The following OSR1 variants were observed in gnomAD, a reference collection of about 807,000 sequenced individuals.
OSR1 encodes the protein odd-skipped related transcription factor 1.
A neutral mutation model predicts 15.7 loss-of-function variants in OSR1; 3 were observed. That is an observed-to-expected ratio of 0.19 (90% CI 0.09 to 0.50). OSR1 has a LOEUF of 0.50. Among genes scored for constraint, OSR1 ranks in the 20% least tolerant of loss-of-function variants. OSR1 has a pLI of 0.97. For missense variants in OSR1, 271 were observed against 351.1 expected, an observed-to-expected ratio of 0.77 and a Z score of 1.82; for synonymous variants, 166 against 152.7, an observed-to-expected ratio of 1.09 and a Z score of -0.64.
chr2:19,350,062 G>A (rs1271584738), downstream of OSR1, among the ~76,000 whole-genome samples: 1 of 152,140 alleles, frequency 6.6e-6, no homozygotes, highest in African/African-American at 2.4e-5. Flanking sequence ...GGCCGCGCGC[G>A]ACCTTGTGAA....
In OSR1 at chr2:19,357,480, A is replaced by C. The variant is rs934300510; in HGVS notation, c.-33+861T>G. ...TTCTCCGAGACATTTCCGAGGAGAA[A>C]TTAGTTCAGCAGGCAGCCCTTCACC... On this transcript the variant is annotated intron_variant, in intron 1 of 2. Transcript: ENST00000272223. This position sits in a 1 kb window ranked among gnomAD's most constrained non-coding sequence, Gnocchi z 5.0. 2.6e-5 allele frequency among the ~76,000 whole-genome samples: 4 copies of C among 152,158 alleles called. No homozygotes were observed. The highest frequency in any genetic ancestry group is 9.7e-5 in the African/African-American group (4 of 41,446).
rs1464657996 is a variant in OSR1, at chr2:19,357,826, C to G, written c.-33+515G>C. ...GGGTCTAGGCGGCCTCATACTAGAG[C>G]GCAACTCCTCAAAAGACAAACTTGA... On this transcript the variant is annotated intron_variant, in intron 1 of 2. Coordinates refer to ENST00000272223, the MANE Select transcript of OSR1 (RefSeq NM_145260.3). The surrounding 1 kb of genome is among the most constrained non-coding windows in gnomAD (Gnocchi z 5.0). 1 of 152,250 alleles carries G rather than the reference C, an allele frequency of 6.6e-6. No homozygotes were observed. The highest frequency in any genetic ancestry group is 1.5e-5 in the Non-Finnish European group (1 of 68,060). The allele number at this position is 152,250 out of a possible 1,614,324, so 9.4% of individuals were successfully genotyped here.
At position 19,351,594 on chromosome 2, in the gene OSR1, C is replaced by T. The variant is rs913576457; in HGVS notation, c.*681G>A. On this transcript the variant is annotated 3_prime_UTR_variant, in exon 3 of 3. Coordinates refer to ENST00000272223, the MANE Select transcript of OSR1 (RefSeq NM_145260.3). Reference sequence around the variant, plus strand: ...GTGCCAATCGCAATATAACGCCCGGCTCTTGGCTGGCTGCTCCCTCGCAGT... The same window carrying T: ...GTGCCAATCGCAATATAACGCCCGGTTCTTGGCTGGCTGCTCCCTCGCAGT... 20 of 152,820 alleles carry T rather than the reference C, an allele frequency of 1.3e-4. No individual in the cohort carries two copies. The highest frequency in any genetic ancestry group is 4.3e-4 in the African/African-American group (18 of 41,574). The allele number at this position is 152,820 out of a possible 1,614,324, so 9.5% of individuals were successfully genotyped here.
At position 19,353,597 on chromosome 2, in the gene OSR1, G is replaced by A. The variant is rs868677006; in HGVS notation, c.209C>T (p.Ser70Phe). 7.4e-6 allele frequency: 12 copies of A among 1,614,110 alleles called. No individual in the cohort carries two copies. The highest frequency in any genetic ancestry group is 6.7e-5 in the African/African-American group (5 of 74,958). ...GCTGGACACCGTGCCCGGCACTTTG[G>A]AGAAAGAAGAGCGCGGCAAGTGCAT... ...PAMHLPRSSFSKVPGTVSSLV... is the reference protein window; with the variant it reads ...PAMHLPRSSFFKVPGTVSSLV... The change falls in exon 2 of 3, where the codon TCC becomes TTC. Residue 70 changes from serine to phenylalanine, a missense_variant. Physicochemically the swap from Ser to Phe is radical, Grantham distance 155 (BLOSUM62 -2). Transcript: ENST00000272223.
chr2:19,353,206 C>T lies in OSR1; in HGVS notation c.600G>A (p.Glu200=), dbSNP rs369592401. Reference sequence around the variant, plus strand: ...GGCAGATGTCACAGGTGTAGGGCCGCTCGTCGGTGTGCGTCCGCTCATGGA... The same window carrying T: ...GGCAGATGTCACAGGTGTAGGGCCGTTCGTCGGTGTGCGTCCGCTCATGGA... The part of the protein sequence containing the change: ...LLIHERTHTD[E]RPYTCDICHK... The change falls in exon 2 of 3, where the codon GAG becomes GAA. Residue 200 remains glutamate (E), a synonymous_variant. Coordinates refer to ENST00000272223, the MANE Select transcript of OSR1 (RefSeq NM_145260.3). 2.8e-4 allele frequency: 445 copies of T among 1,614,102 alleles called. No homozygotes were observed. The highest frequency in any genetic ancestry group is 3.2e-4 in the Non-Finnish European group (379 of 1,180,052).
At chr2:19,355,052 A>G (rs45602036) in intron 1 of OSR1, 10 of 152,224 alleles carry the variant, frequency 6.6e-5, no homozygotes, top group Admixed American at 5.2e-4. Flanking sequence ...AATGCTTTTC[A>G]TCTCTACCTC....
At chr2:19,350,367 G>A (rs1157809081), downstream of OSR1, among the ~76,000 whole-genome samples, 2 of 152,160 alleles carry the variant, frequency 1.3e-5, no homozygotes, top group Non-Finnish European at 2.9e-5. Context: ...TTGGGTTCCC[G>A]GGCCTCGAAG....
intron 1 of OSR1, 191 bp from the exon 2 acceptor site, chr2:19,354,028 C>T (rs1664898439): frequency 1.0e-5 from 6 of 571,812 alleles, no homozygotes; most frequent in African/African-American, 1.9e-5. Flanking sequence ...CAGGGGAGCC[C>T]TCTTTTCAGA....
Position 19,352,312 on chromosome 2 carries a change from T to G in OSR1, c.764A>C (p.Gln255Pro), listed in dbSNP as rs1664858636. The G allele has an allele frequency of 6.2e-7, 1 of 1,614,228 alleles. No individual in the cohort carries two copies. Among genetic ancestry groups the G allele is most frequent in the Non-Finnish European group, 8.5e-7 (1 of 1,180,030 alleles). The stretch of plus-strand genomic sequence containing the variant: ...CTTGGAGGTTTTGAGCTCCTTCACC[T>G]GTGAGTGTAGCGTCTTGTGGACAGC... ...TLAVHKTLHS[Q>P]VKELKTSKIK... is the part of the protein sequence containing the mutation. Residue 255 changes from glutamine (Q) to proline (P), a missense_variant, in exon 3 of 3, where the codon CAG becomes CCG. Around this residue, in one of 4 missense-constraint regions of OSR1, gnomAD observed 21 missense variants for 24.3 expected, o/e 0.86. Coordinates refer to ENST00000272223, the MANE Select transcript of OSR1 (RefSeq NM_145260.3).
At chr2:19,346,869 C>T (rs1343545281), downstream of OSR1, 2 of 152,196 alleles carry the variant, frequency 1.3e-5, no homozygotes, top group Non-Finnish European at 2.9e-5. Context: ...TTGCCACATA[C>T]GTACATAGGC....
At chr2:19,349,080 A>C (rs1664789163), downstream of OSR1, among the ~76,000 whole-genome samples, 1 of 152,226 alleles carries the variant, frequency 6.6e-6, no homozygotes, top group African/African-American at 2.4e-5. Flanking sequence ...AGAGGAGACA[A>C]GAGCTGGGAC....
chr2:19,345,987 A>T, the OSR1 span, among the ~76,000 whole-genome samples: 1 of 152,058 alleles, frequency 6.6e-6, no homozygotes, highest in Non-Finnish European at 1.5e-5. Flanking sequence ...CCCCATCTCC[A>T]CTGGCTTTCT....
At chr2:19,350,682 G>A (rs1334095012), downstream of OSR1, among the ~76,000 whole-genome samples, 1 of 152,138 alleles carries the variant, frequency 6.6e-6, no homozygotes, top group Non-Finnish European at 1.5e-5. Context: ...TTGCCCCAAG[G>A]AGAAGAGCCC....
At chr2:19,350,613 G>C (rs1304856260), downstream of OSR1, among the ~76,000 whole-genome samples, 1 of 152,168 alleles carries the variant, frequency 6.6e-6, no homozygotes, top group Non-Finnish European at 1.5e-5. Flanking sequence ...GAAAGGCCGC[G>C]GGCGCCACCG....
downstream of OSR1, among the ~76,000 whole-genome samples, chr2:19,350,299 CTCTGAGCGTGGA>C (rs1664810862): frequency 1.3e-5 from 2 of 152,130 alleles, no homozygotes; most frequent in South Asian, 4.1e-4. Flanking sequence ...GGCAGCGTGG[CTCTGAGCGTGGA>C]GGCCAGGGCT....
downstream of OSR1, among the ~76,000 whole-genome samples, chr2:19,347,634 C>T (rs754205973): frequency 1.2e-4 from 18 of 152,322 alleles, no homozygotes; most frequent in African/African-American, 4.3e-4. Flanking sequence ...TCGGGATGAA[C>T]GGGTGGAGTG....
chr2:19,345,786 C>T, the OSR1 span, among the ~76,000 whole-genome samples: 2 of 152,306 alleles, frequency 1.3e-5, no homozygotes, highest in East Asian at 1.9e-4. Context: ...CAGGGAAATG[C>T]TATGTGTACT....
chr2:19,354,050 T>G (rs1373596759), intron 1 of OSR1: 3 of 515,272 alleles, frequency 5.8e-6, no homozygotes, highest in African/African-American at 5.7e-5. Context: ...CCCTCCTTGG[T>G]CTAAGGGCTC....
At position 19,352,349 on chromosome 2, in the gene OSR1, A is replaced by G. The variant is rs1257733324; in HGVS notation, c.727T>C (p.Ser243Pro). The change falls in exon 3 of 3, where the codon TCC (serine) becomes CCC (proline). Residue 243 changes from serine to proline, a missense_variant. Transcript: ENST00000272223. ...GTCTTGTGGACAGCGAGAGTCCTGG[A>G]CTGGCAGAATCCTTTCCCACACTCT... Reference protein sequence around the residue: ...CQECGKGFCQSRTLAVHKTLH... With the variant: ...CQECGKGFCQPRTLAVHKTLH... 6.2e-7 allele frequency: 1 copy of G among 1,614,016 alleles called. No individual in the cohort carries two copies. Among genetic ancestry groups the G allele is most frequent in the Non-Finnish European group, 8.5e-7 (1 of 1,179,976 alleles).
Sources: gnomAD v4.1 joint callset for allele counts (sites outside exome capture counted in the v4.1 genomes callset) on GRCh38, gnomAD v4.1.1 for gene constraint, gnomAD v4.1.1 regional missense constraint, Gnocchi (gnomAD v3.1) non-coding constraint, MANE v1.5 for transcripts, NCBI Gene and HGNC (gene_info 2026-07-23, HGNC 2026-07-21) for gene names.